The following PPP5C variants were observed in gnomAD, a reference collection of about 807,000 sequenced individuals.
PPP5C encodes protein phosphatase 5 catalytic subunit, also known as serine/threonine-protein phosphatase 5.
In PPP5C, 21 loss-of-function variants were observed where a neutral mutation model predicts 66.7. The observed-to-expected ratio is 0.31, with a 90% CI of 0.22 to 0.45. The LOEUF (loss-of-function observed/expected upper bound fraction) is 0.45. Among genes scored for constraint, PPP5C ranks in the 20% least tolerant of loss-of-function variants. The pLI, the probability that PPP5C is intolerant of heterozygous loss-of-function variation, is 1.00. For synonymous variants in PPP5C, 246 were observed against 257.4 expected (o/e 0.96, Z 0.43); for missense variants, 464 against 675.9 (o/e 0.69, Z 3.48).
At position 46,361,180 on chromosome 19, in the gene PPP5C, A is replaced by G. The variant is rs747985867; in HGVS notation, c.363+7191A>G. On this transcript the variant is annotated intron_variant, in intron 2 of 12. Transcript: ENST00000012443. The stretch of plus-strand genomic sequence containing the variant: ...AGTCTCACTCTGTCGCCCAGGCTGG[A>G]GTGCAGTGGTGCAATCTCCACTCGC... 3.0e-3 allele frequency among the ~76,000 whole-genome samples: 396 copies of G among 133,532 alleles called. 4 individuals are homozygous for G. The South Asian group carries it at 0.038, about 13-fold the overall frequency. 87.6% of individuals were successfully genotyped at this position (133,532 alleles called of 152,430 possible).
At chr19:46,362,857 G>A (rs930666969) in intron 2 of PPP5C, among the ~76,000 whole-genome samples, 2 of 150,258 alleles carry the variant, frequency 1.3e-5, no homozygotes, top group African/African-American at 4.9e-5. Context: ...GCGCGATCTC[G>A]GCTCACTGCA....
In PPP5C at chr19:46,361,759, G is replaced by A. The variant is rs149939497; in HGVS notation, c.363+7770G>A. ...TAGCCTGGCGACAGAGCCAGACTCC[G>A]TCTCAAAAAAAAAAAAAAATACTAT... On this transcript the variant is annotated intron_variant, in intron 2 of 12. Coordinates refer to ENST00000012443, the MANE Select transcript of PPP5C (RefSeq NM_006247.4). 4.0e-4 allele frequency among the ~76,000 whole-genome samples: 58 copies of A among 145,136 alleles called. No homozygotes were observed. In the East Asian group the frequency reaches 0.011, roughly 27 times the overall value.
At chr19:46,387,758 G>A in intron 9 of PPP5C, 1 of 1,312,648 alleles carries the variant, frequency 7.6e-7, no homozygotes, top group South Asian at 1.5e-5. Context: ...GGGCTCCTGT[G>A]CTAGTGACGG....
In PPP5C at chr19:46,390,612, T is replaced by G; in HGVS notation, c.*266T>G. The G allele has an allele frequency of 3.0e-6, 4 of 1,320,750 alleles. No individual in the cohort carries two copies. Among genetic ancestry groups the G allele is most frequent in the Non-Finnish European group, 2.9e-6 (3 of 1,028,216 alleles). 81.8% of individuals were successfully genotyped at this position (1,320,750 alleles called of 1,614,324 possible). A position where few individuals can be genotyped will look rare whatever the true frequency, so the allele number is the denominator to read the frequency against. On this transcript the variant is annotated 3_prime_UTR_variant, in exon 13 of 13. Transcript: ENST00000012443. ...GCCTGGGCATTCTGTGGGGAGGCCGTCCTCGGGGTGGGGTGGGGCCGAGTG... is the reference window on the plus strand; with the variant it reads ...GCCTGGGCATTCTGTGGGGAGGCCGGCCTCGGGGTGGGGTGGGGCCGAGTG...
chr19:46,374,173 C>T (rs979261542), intron 2 of PPP5C, among the ~76,000 whole-genome samples: 1 of 152,170 alleles, frequency 6.6e-6, no homozygotes, highest in Admixed American at 6.5e-5. Context: ...GGGAGGAGGC[C>T]GTGGCCTGCT....
At chr19:46,357,344 G>T (rs144571146) in intron 2 of PPP5C, among the ~76,000 whole-genome samples, 18 of 152,264 alleles carry the variant, frequency 1.2e-4, no homozygotes, top group African/African-American at 4.1e-4. Flanking sequence ...CATGGCACCC[G>T]GCCCCAAAGT....
chr19:46,348,533 C>T (rs1174510138), intron 1 of PPP5C, among the ~76,000 whole-genome samples: 7 of 152,010 alleles, frequency 4.6e-5, no homozygotes, highest in African/African-American at 1.7e-4. Context: ...AGGCTGGTGT[C>T]GAACCTCTGA....
At position 46,385,043 on chromosome 19, in the gene PPP5C, G is replaced by T; in HGVS notation, c.904+134G>T. On this transcript the variant is annotated intron_variant, in intron 7 of 12. Coordinates refer to ENST00000012443, the MANE Select transcript of PPP5C (RefSeq NM_006247.4). ...ATGCACAGGGCGACCTTTTAAGATT[G>T]AGTATGTAGTGCACTGCACAAAAGC... is the stretch of plus-strand genomic sequence containing the variant. 8.7e-6 allele frequency: 6 copies of T among 690,792 alleles called. No homozygotes were observed. The South Asian group carries it at 9.9e-5, about 11-fold the overall frequency. 42.8% of individuals were successfully genotyped at this position (690,792 alleles called of 1,614,324 possible).
At chr19:46,354,320 C>T (rs1321548000) in intron 2 of PPP5C, among the ~76,000 whole-genome samples, 1 of 152,126 alleles carries the variant, frequency 6.6e-6, no homozygotes, top group East Asian at 1.9e-4. Flanking sequence ...GTACTTGGCC[C>T]GGGGTCAGTG....
intron 2 of PPP5C, among the ~76,000 whole-genome samples, chr19:46,367,190 T>C (rs553408959): frequency 1.3e-5 from 2 of 152,288 alleles, no homozygotes; most frequent in African/African-American, 2.4e-5. Flanking sequence ...TGACAGAAGG[T>C]TTAAAAACAT....
intron 2 of PPP5C, among the ~76,000 whole-genome samples, chr19:46,368,855 C>T (rs910750024): frequency 1.3e-5 from 2 of 152,158 alleles, no homozygotes; most frequent in African/African-American, 4.8e-5. Context: ...GAATAATGGC[C>T]TCCAACTCCA....
At position 46,388,499 on chromosome 19, in the gene PPP5C, G is replaced by A. The variant is rs746412172; in HGVS notation, c.1176+51G>A. 3.7e-6 allele frequency: 6 copies of A among 1,610,556 alleles called. No homozygotes were observed. Among genetic ancestry groups the A allele is most frequent in the South Asian group, 1.1e-5 (1 of 90,884 alleles). ...CGGCGGGTGTGGGCTGTGGCAGCAGGTGGAGGCAGACAGTCACCCTGAACC... is the reference window on the plus strand; with the variant it reads ...CGGCGGGTGTGGGCTGTGGCAGCAGATGGAGGCAGACAGTCACCCTGAACC... On this transcript the variant is annotated intron_variant, in intron 10 of 12. Transcript: ENST00000012443. This position sits in a 1 kb window ranked among gnomAD's most constrained non-coding sequence, Gnocchi z 4.9.
intron 6 of PPP5C, 41 bp from the exon 7 acceptor site, chr19:46,384,763 C>T: frequency 8.4e-7 from 1 of 1,194,508 alleles, no homozygotes; most frequent in South Asian, 1.2e-5. Flanking sequence ...CGCACCGCAC[C>T]CTTCCCCTCC....
chr19:46,358,834 G>A (rs996990367), intron 2 of PPP5C, among the ~76,000 whole-genome samples: 4 of 152,150 alleles, frequency 2.6e-5, no homozygotes, highest in South Asian at 4.1e-4. Flanking sequence ...GATGGCATCC[G>A]TGTATGGCAT....
At position 46,383,722 on chromosome 19, in the gene PPP5C, C is replaced by A; in HGVS notation, c.700-58C>A. ...ACTCTTACCCTTCCCCTCACCTCTGCCCCCTCCCCACGTCTCTCTCTCGGC... is the reference window on the plus strand; with the variant it reads ...ACTCTTACCCTTCCCCTCACCTCTGACCCCTCCCCACGTCTCTCTCTCGGC... On this transcript the variant is annotated intron_variant, in intron 5 of 12. Transcript: ENST00000012443. This position sits in a 1 kb window ranked among gnomAD's most constrained non-coding sequence, Gnocchi z 5.0. 7.2e-7 allele frequency: 1 copy of A among 1,388,870 alleles called. No individual in the cohort carries two copies. The highest frequency in any genetic ancestry group is 1.0e-6 in the Non-Finnish European group (1 of 977,212). 86.0% of individuals were successfully genotyped at this position (1,388,870 alleles called of 1,614,324 possible). A position where few individuals can be genotyped will look rare whatever the true frequency, so the allele number is the denominator to read the frequency against.
Position 46,388,669 on chromosome 19 carries a change from C to G in PPP5C, c.1293C>G (p.Ala431=). ...TCATCCGCAGCCACGAAGTCAAGGC[C>G]GAGGGCTACGAGGTGGCTCACGGAG... ...DYIIRSHEVK[A]EGYEVAHGGR... The change falls in exon 11 of 13, where the codon GCC becomes GCG. Residue 431 remains alanine (A), a synonymous_variant. Transcript: ENST00000012443. This position sits in a 1 kb window ranked among gnomAD's most constrained non-coding sequence, Gnocchi z 4.9. The G allele has an allele frequency of 1.9e-6, 3 of 1,614,152 alleles. No homozygotes were observed. The highest frequency in any genetic ancestry group is 2.5e-6 in the Non-Finnish European group (3 of 1,180,020).
chr19:46,383,500 G>T lies in PPP5C; in HGVS notation c.699+24G>T. ...AGGTGCGCGTTGTGGGGCAGTGCGG[G>T]GAGGGCCAGCGGGGGTGGGCTCTCT... On this transcript the variant is annotated intron_variant, in intron 5 of 12. Coordinates refer to ENST00000012443, the MANE Select transcript of PPP5C (RefSeq NM_006247.4). The surrounding 1 kb of genome is among the most constrained non-coding windows in gnomAD (Gnocchi z 5.0). 6.3e-7 allele frequency: 1 copy of T among 1,585,544 alleles called. No homozygotes were observed. Among genetic ancestry groups the T allele is most frequent in the Middle Eastern group, 1.7e-4 (1 of 5,970 alleles).
Position 46,389,984 on chromosome 19 carries a change from C to T in PPP5C, c.1356-67C>T, listed in dbSNP as rs9653112. The T allele has an allele frequency of 3.9e-3, 5,699 of 1,455,882 alleles. 198 individuals carry two copies. In the African/African-American group the frequency reaches 0.069, roughly 18 times the overall value. The allele number at this position is 1,455,882 out of a possible 1,614,324, so 90.2% of individuals were successfully genotyped here. A position where few individuals can be genotyped will look rare whatever the true frequency, so the allele number is the denominator to read the frequency against. ...CTCTGTCCCTTCTTGCCCAGCCATT[C>T]CTTCTCTTAACCCACCAGCCCCACC... On this transcript the variant is annotated intron_variant, in intron 11 of 12. Coordinates refer to ENST00000012443, the MANE Select transcript of PPP5C (RefSeq NM_006247.4).
At chr19:46,386,990 G>C (rs58701793) in intron 7 of PPP5C, 103 bp from the exon 8 acceptor site, 239,547 of 1,531,358 alleles carry the variant, frequency 0.16, 22,665 homozygotes, top group East Asian at 0.38. Flanking sequence ...AGGCCCATGG[G>C]GGCAAGGGAC....
Sources: gnomAD v4.1 joint callset for allele counts (sites outside exome capture counted in the v4.1 genomes callset) on GRCh38, gnomAD v4.1.1 for gene constraint, Gnocchi (gnomAD v3.1) non-coding constraint, MANE v1.5 for transcripts, NCBI Gene and HGNC (gene_info 2026-07-23, HGNC 2026-07-21) for gene names.